The following MACROD2 variants were observed in gnomAD, a reference collection of about 807,000 sequenced individuals.
The protein encoded by MACROD2 is mono-ADP ribosylhydrolase 2, also known as ADP-ribose glycohydrolase MACROD2.
In MACROD2, 36 loss-of-function variants were observed where a neutral mutation model predicts 70.4. The observed-to-expected ratio is 0.51, with a 90% CI of 0.39 to 0.68. MACROD2 has a LOEUF of 0.68. Ranked by LOEUF, MACROD2 falls within the 30% of genes least tolerant of loss-of-function variation. The probability of loss-of-function intolerance (pLI) is 0.00; values close to 1 mark genes in which losing one functional copy is unlikely to be tolerated. For synonymous variants in MACROD2, 172 were observed against 178.8 expected (o/e 0.96, Z 0.30); for missense variants, 496 against 538.4 (o/e 0.92, Z 0.78).
At chr20:14,604,750 T>A (rs570287109) in intron 4 of MACROD2, among the ~76,000 whole-genome samples, 9 of 151,684 alleles carry the variant, frequency 5.9e-5, no homozygotes, top group African/African-American at 2.2e-4. Context: ...CCAGAGTCCT[T>A]CTTCCAGGAG....
intron 6 of MACROD2, among the ~76,000 whole-genome samples, chr20:15,335,529 T>A (rs953090424): frequency 1.3e-5 from 2 of 151,650 alleles, no homozygotes; most frequent in African/African-American, 4.9e-5. Flanking sequence ...TTGTGTTAAT[T>A]CTGTGATTTT....
intron 5 of MACROD2, among the ~76,000 whole-genome samples, chr20:15,215,142 A>T (rs992652411): frequency 4.6e-5 from 7 of 152,140 alleles, no homozygotes; most frequent in African/African-American, 1.7e-4. Flanking sequence ...GTATAAAATA[A>T]ATCGGGCTTA....
intron 5 of MACROD2, among the ~76,000 whole-genome samples, chr20:14,984,038 G>C (rs948778547): frequency 2.6e-5 from 4 of 152,180 alleles, no homozygotes; most frequent in African/African-American, 9.6e-5. Flanking sequence ...ATTAAGGTTA[G>C]AACCAGGGTA....
intron 5 of MACROD2, among the ~76,000 whole-genome samples, chr20:15,138,430 A>G (rs1027489744): frequency 1.3e-5 from 2 of 152,290 alleles, no homozygotes; most frequent in African/African-American, 4.8e-5. Flanking sequence ...GATTTAAGCT[A>G]TTCTTTTTTT....
intron 5 of MACROD2, among the ~76,000 whole-genome samples, chr20:15,078,494 G>A (rs1012170468): frequency 6.6e-6 from 1 of 152,094 alleles, no homozygotes; most frequent in Non-Finnish European, 1.5e-5. Context: ...GGTGATATAG[G>A]CTTCAATTTT....
intron 8 of MACROD2, among the ~76,000 whole-genome samples, chr20:15,721,622 TTTTAA>T (rs1392888056): frequency 6.6e-6 from 1 of 152,214 alleles, no homozygotes. Context: ...AAATAATCAT[TTTTAA>T]TTTATTTTTA....
intron 4 of MACROD2, among the ~76,000 whole-genome samples, chr20:14,565,434 C>A (rs558326410): frequency 6.6e-6 from 1 of 151,626 alleles, no homozygotes; most frequent in African/African-American, 2.4e-5. Flanking sequence ...CATTCATTTC[C>A]CTCCCACCCC....
intron 8 of MACROD2, chr20:15,619,959 A>G (rs2049101262): frequency 6.6e-6 from 1 of 152,388 alleles, no homozygotes; most frequent in African/African-American, 2.4e-5. Flanking sequence ...GCTCCTCATC[A>G]GTCATCTTAA....
At chr20:14,174,282 A>T (rs1314199690) in intron 3 of MACROD2, among the ~76,000 whole-genome samples, 1 of 152,128 alleles carries the variant, frequency 6.6e-6, no homozygotes. Flanking sequence ...GACAAAGATC[A>T]TCAGGTTGGG....
chr20:14,685,009 G>C, intron 5 of MACROD2, 50 bp downstream of exon 5: 1 of 1,403,902 alleles, frequency 7.1e-7, no homozygotes, highest in Non-Finnish European at 1.0e-6. Flanking sequence ...ATCTTAACTT[G>C]TTTTACTCCA....
At chr20:14,686,677 G>A (rs557511248) in intron 5 of MACROD2, among the ~76,000 whole-genome samples, 7 of 152,240 alleles carry the variant, frequency 4.6e-5, no homozygotes, top group African/African-American at 1.7e-4. Context: ...TAGGTGTGTA[G>A]TAGGCTATAC....
chr20:15,614,301 T>TA (rs547609520), intron 8 of MACROD2, among the ~76,000 whole-genome samples: 266 of 152,354 alleles, frequency 1.7e-3, no homozygotes, highest in African/African-American at 5.9e-3. Flanking sequence ...GAAGTGAAAA[T>TA]AAGTATTACA....
chr20:14,325,811 T>C (rs1442562625), intron 3 of MACROD2: 6 of 1,613,926 alleles, frequency 3.7e-6, no homozygotes, highest in Non-Finnish European at 5.1e-6. Flanking sequence ...CTCCCTTTGC[T>C]ATATGCACAG....
At chr20:15,242,196 T>G (rs1349811442) in intron 6 of MACROD2, among the ~76,000 whole-genome samples, 4 of 152,164 alleles carry the variant, frequency 2.6e-5, no homozygotes, top group Non-Finnish European at 4.4e-5. Flanking sequence ...AGTCTAATCA[T>G]GAGAAACTAT....
At chr20:14,516,459 A>G (rs1001015659) in intron 4 of MACROD2, among the ~76,000 whole-genome samples, 9 of 152,270 alleles carry the variant, frequency 5.9e-5, no homozygotes, top group Admixed American at 3.3e-4. Context: ...TCTTTAATCC[A>G]TCTTGAGTTA....
chr20:14,837,453 C>T (rs2073041663), intron 5 of MACROD2, among the ~76,000 whole-genome samples: 1 of 151,936 alleles, frequency 6.6e-6, no homozygotes, highest in Admixed American at 6.6e-5. Flanking sequence ...ATTATTTAAC[C>T]AATTGGAGTA....
At chr20:14,095,930 A>G (rs2054218154) in intron 3 of MACROD2, among the ~76,000 whole-genome samples, 1 of 152,234 alleles carries the variant, frequency 6.6e-6, no homozygotes, top group African/African-American at 2.4e-5. Context: ...TAAATGCAAA[A>G]GAAAAATGTT....
intron 3 of MACROD2, among the ~76,000 whole-genome samples, chr20:14,338,958 T>A (rs1025287559): frequency 9.2e-5 from 14 of 152,208 alleles, no homozygotes; most frequent in African/African-American, 3.1e-4. Flanking sequence ...AGGACCGTTG[T>A]CTTAAACTAA....
At chr20:14,583,968 G>A (rs117978720) in intron 4 of MACROD2, among the ~76,000 whole-genome samples, 4 of 152,140 alleles carry the variant, frequency 2.6e-5, no homozygotes, top group East Asian at 1.9e-4. Context: ...TGTGTTACCC[G>A]GCATGAGGGT....
Sources: allele counts gnomAD v4.1 joint callset (sites outside exome capture counted in the v4.1 genomes callset), GRCh38; gene constraint gnomAD v4.1.1; transcripts MANE v1.5; gene names NCBI Gene and HGNC (gene_info 2026-07-23, HGNC 2026-07-21).